ZNF316: variants seen among roughly 807,000 people sequenced by gnomAD.
The protein encoded by ZNF316 is zinc finger protein 316.
A neutral mutation model predicts 75.6 loss-of-function variants in ZNF316; 23 were observed. That is an observed-to-expected ratio of 0.30 (90% CI 0.22 to 0.43). The LOEUF (loss-of-function observed/expected upper bound fraction) is 0.43, where lower values mean the gene tolerates loss of function less well. Among genes scored for constraint, ZNF316 ranks in the 20% least tolerant of loss-of-function variants. The pLI is 1.00. For missense variants in ZNF316, 1,266 were observed against 1,409.4 expected (o/e 0.90, Z 1.63); for synonymous variants, 827 against 666.2 (o/e 1.24, Z -3.72).
At position 6,653,068 on chromosome 7, in the gene ZNF316, G is replaced by A. The variant is rs1244318009; in HGVS notation, c.1472G>A (p.Gly491Asp). 5.0e-6 allele frequency: 6 copies of A among 1,209,948 alleles called. No individual in the cohort carries two copies. The East Asian group carries it at 2.1e-4, about 41-fold the overall frequency. 75.0% of individuals were successfully genotyped at this position (1,209,948 alleles called of 1,614,324 possible). A position where few individuals can be genotyped will look rare whatever the true frequency, so the allele number is the denominator to read the frequency against. The change falls in exon 9 of 9, where the codon GGC becomes GAC. Residue 491 changes from glycine to aspartate, a missense_variant. Coordinates refer to ENST00000382252, the MANE Select transcript of ZNF316 (RefSeq NM_001278559.2). ...CGCCCGCACTGCTGTCCCGACTGCG[G>A]CCAGGCCTTCCGCCTGCGCGCCGAC... is the stretch of plus-strand genomic sequence containing the variant. ...ADRPHCCPDC[G>D]QAFRLRADFQ... is the part of the protein sequence containing the mutation.
intron 8 of ZNF316, among the ~76,000 whole-genome samples, chr7:6,648,427 C>G (rs558461137): frequency 6.6e-6 from 1 of 152,266 alleles, no homozygotes; most frequent in East Asian, 1.9e-4. Flanking sequence ...CAACAGAAAG[C>G]ATGGGATGGA....
At position 6,652,929 on chromosome 7, in the gene ZNF316, G is replaced by T; in HGVS notation, c.1333G>T (p.Val445Phe). Reference sequence around the variant, plus strand: ...GGGCTTCGGGCGCCGCTCCTACCTGGTCACGCACCAGCGCACGCACACCGG... The same window carrying T: ...GGGCTTCGGGCGCCGCTCCTACCTGTTCACGCACCAGCGCACGCACACCGG... The part of the protein sequence containing the change: ...GAGFGRRSYL[V>F]THQRTHTGER... The change falls in exon 9 of 9, where the codon GTC becomes TTC. Residue 445 changes from valine to phenylalanine, a missense_variant. Val to Phe is a conservative substitution (Grantham distance 50, BLOSUM62 -1). This residue lies in a region of ZNF316 where 961 missense variants were observed against 990.9 expected (regional missense o/e 0.97). Coordinates refer to ENST00000382252, the MANE Select transcript of ZNF316 (RefSeq NM_001278559.2). The T allele has an allele frequency of 8.0e-7, 1 of 1,244,102 alleles. No homozygotes were observed. Among genetic ancestry groups the T allele is most frequent in the African/African-American group, 1.5e-5 (1 of 64,632 alleles). 77.1% of individuals were successfully genotyped at this position (1,244,102 alleles called of 1,614,324 possible).
Position 6,655,349 on chromosome 7 carries a change from C to T in ZNF316, c.*738C>T, listed in dbSNP as rs1320678904. 6.6e-6 allele frequency: 1 copy of T among 152,280 alleles called. No homozygotes were observed. The highest frequency in any genetic ancestry group is 1.5e-5 in the Non-Finnish European group (1 of 68,116). 9.4% of individuals were successfully genotyped at this position (152,280 alleles called of 1,614,324 possible). On this transcript the variant is annotated 3_prime_UTR_variant, in exon 9 of 9. Coordinates refer to ENST00000382252, the MANE Select transcript of ZNF316 (RefSeq NM_001278559.2). ...AGTTTGAAGCCTTATTCTCGAGCCG[C>T]CTCCTCTTCTCTACCCACACTTGCA... is the stretch of plus-strand genomic sequence containing the variant.
chr7:6,649,197 G>T (rs910489330), intron 8 of ZNF316, among the ~76,000 whole-genome samples: 1 of 152,144 alleles, frequency 6.6e-6, no homozygotes, highest in African/African-American at 2.4e-5. Context: ...CTGAGCCCTT[G>T]TGGTCCCTCT....
Position 6,642,545 on chromosome 7 carries a change from G to T in ZNF316, c.136G>T (p.Glu46Ter). 1 of 1,227,666 alleles carries T rather than the reference G, an allele frequency of 8.1e-7. No homozygotes were observed. The highest frequency in any genetic ancestry group is 1.0e-6 in the Non-Finnish European group (1 of 982,966). The allele number at this position is 1,227,666 out of a possible 1,614,324, so 76.0% of individuals were successfully genotyped here. The change falls in exon 5 of 9, where the codon GAA becomes TAA. Residue 46 changes from glutamate (E) to a stop codon, truncating the protein, a stop_gained. Coordinates refer to ENST00000382252, the MANE Select transcript of ZNF316 (RefSeq NM_001278559.2). LOFTEE classifies it high-confidence loss of function. This position sits in a 1 kb window ranked among gnomAD's most constrained non-coding sequence, Gnocchi z 8.1. ...GGGGGAAGAGGTGCAGGAGGTGGAA[G>T]AAGAGGAGGAGGAGATAGTGGTGGA... The part of the protein sequence containing the change: ...EKGEEVQEVE[E>*]EEEEIVVEEE...
rs1004151902 is a variant in ZNF316 at position 6,656,594 on chromosome 7, C to A, written c.*1983C>A. Among the ~76,000 whole-genome samples the A allele has an allele frequency of 6.6e-6, 1 of 152,226 alleles. No individual in the cohort carries two copies. Among genetic ancestry groups the A allele is most frequent in the Non-Finnish European group, 1.5e-5 (1 of 68,036 alleles). On this transcript the variant is annotated 3_prime_UTR_variant, in exon 9 of 9. Coordinates refer to ENST00000382252, the MANE Select transcript of ZNF316 (RefSeq NM_001278559.2). Reference sequence around the variant, plus strand: ...TGGCCCATGAGGAGTTGGCCCCAGGCCAGTGTGGCCCCGTGCTGCCCATGC... The same window carrying A: ...TGGCCCATGAGGAGTTGGCCCCAGGACAGTGTGGCCCCGTGCTGCCCATGC...
At position 6,654,216 on chromosome 7, in the gene ZNF316, C is replaced by G. The variant is rs1261986778; in HGVS notation, c.2620C>G (p.Leu874Val). 1.6e-6 allele frequency: 2 copies of G among 1,222,838 alleles called. No individual in the cohort carries two copies. The highest frequency in any genetic ancestry group is 2.0e-6 in the Non-Finnish European group (2 of 981,784). The allele number at this position is 1,222,838 out of a possible 1,614,324, so 75.7% of individuals were successfully genotyped here. The change falls in exon 9 of 9, where the codon CTG becomes GTG. Residue 874 changes from leucine to valine, a missense_variant. Transcript: ENST00000382252. Reference protein sequence around the residue: ...CGRGFAQRSNLAKHRRGHTGE... With the variant: ...CGRGFAQRSNVAKHRRGHTGE... Reference sequence around the variant, plus strand: ...CCGCGGCTTCGCGCAGCGCTCCAACCTGGCCAAGCACCGGCGCGGCCACAC... The same window carrying G: ...CCGCGGCTTCGCGCAGCGCTCCAACGTGGCCAAGCACCGGCGCGGCCACAC...
At chr7:6,646,979 C>T (rs545262665) in intron 8 of ZNF316, among the ~76,000 whole-genome samples, 159 of 152,336 alleles carry the variant, frequency 1.0e-3, no homozygotes, top group African/African-American at 3.4e-3. Flanking sequence ...TTCAGACCCT[C>T]CCCTGCCCTG....
At position 6,639,537 on chromosome 7, in the gene ZNF316, AAC is replaced by A. The variant is rs1289757441; in HGVS notation, c.-167+405_-167+406del. Among the ~76,000 whole-genome samples the A allele has an allele frequency of 1.3e-5, 2 of 152,192 alleles. No individual in the cohort carries two copies. The highest frequency in any genetic ancestry group is 4.8e-5 in the African/African-American group (2 of 41,436). ...GAAGAGAGTTCTGGGGATGGGGAAT[AAC>A]ACACACACGGCCTGAGATGAGATGA... On this transcript the variant is annotated intron_variant, in intron 3 of 8. Transcript: ENST00000382252. The surrounding 1 kb of genome is among the most constrained non-coding windows in gnomAD (Gnocchi z 4.2).
chr7:6,649,114 C>T (rs1480293554), intron 8 of ZNF316, among the ~76,000 whole-genome samples: 1 of 152,134 alleles, frequency 6.6e-6, no homozygotes, highest in Middle Eastern at 3.2e-3. Flanking sequence ...GTTCTTGTGG[C>T]CATACTCTGG....
chr7:6,644,293 AG>A (rs1779360087), intron 7 of ZNF316, among the ~76,000 whole-genome samples, 186 bp from the exon 8 acceptor site: 1 of 148,734 alleles, frequency 6.7e-6, no homozygotes, highest in African/African-American at 2.5e-5. Flanking sequence ...TGGTGGGAGG[AG>A]GGCAGGGGAG....
rs1779297990 is a variant in ZNF316 at position 6,640,715 on chromosome 7, T to C, written c.-166-1110T>C. The stretch of plus-strand genomic sequence containing the variant: ...GGGCCTGCTGGGAGGTGATTTCCAG[T>C]GTTGGAGGTGGGCCTGGTGGGAGGG... On this transcript the variant is annotated intron_variant, in intron 3 of 8. Transcript: ENST00000382252. This position sits in a 1 kb window ranked among gnomAD's most constrained non-coding sequence, Gnocchi z 5.1. Among the ~76,000 whole-genome samples the C allele has an allele frequency of 6.6e-6, 1 of 152,090 alleles. No homozygotes were observed. Among genetic ancestry groups the C allele is most frequent in the Admixed American group, 6.5e-5 (1 of 15,276 alleles).
At position 6,644,592 on chromosome 7, in the gene ZNF316, A is replaced by C. The variant is rs1265842161; in HGVS notation, c.705A>C (p.Thr235=). ...EEGDIVTGVY[T]GAWFWTDDIE... ...GAGACATCGTCACTGGCGTCTACAC[A>C]GGTGAGCGTGGATGGAATTTTGCGG... Residue 235 remains threonine (T), a splice_region_variant and synonymous_variant, in exon 8 of 9, where the codon ACA becomes ACC. Coordinates refer to ENST00000382252, the MANE Select transcript of ZNF316 (RefSeq NM_001278559.2). 24 of 1,230,820 alleles carry C rather than the reference A, an allele frequency of 1.9e-5. No individual in the cohort carries two copies. The highest frequency in any genetic ancestry group is 2.3e-5 in the Non-Finnish European group (23 of 986,768). 76.2% of individuals were successfully genotyped at this position (1,230,820 alleles called of 1,614,324 possible).
chr7:6,644,327 A>C (rs1367062321), intron 7 of ZNF316, among the ~76,000 whole-genome samples, 153 bp from the exon 8 acceptor site: 1 of 151,738 alleles, frequency 6.6e-6, no homozygotes, highest in Non-Finnish European at 1.5e-5. Context: ...TTCAGAGGGA[A>C]GGGACCGCCT....
chr7:6,643,166 CGGCCA>C (rs1779341947), intron 6 of ZNF316, 93 bp downstream of exon 6: 1 of 1,226,478 alleles, frequency 8.2e-7, no homozygotes, highest in Non-Finnish European at 1.0e-6. Context: ...CTGTTGGCAG[CGGCCA>C]TGGCACTGGA....
rs1779531665 is a variant in ZNF316 at position 6,652,678 on chromosome 7, C to T, written c.1082C>T (p.Ala361Val). The change falls in exon 9 of 9, where the codon GCC (alanine) becomes GTC (valine). Residue 361 changes from alanine (A) to valine (V), a missense_variant. By Grantham distance (64) the Ala-to-Val change is moderately conservative. Coordinates refer to ENST00000382252, the MANE Select transcript of ZNF316 (RefSeq NM_001278559.2). ...GTCTTCCCGCACCGCTCGCGGCTGGCCAAGCACCAGCGCTACCACGCGGCC... is the reference window on the plus strand; with the variant it reads ...GTCTTCCCGCACCGCTCGCGGCTGGTCAAGCACCAGCGCTACCACGCGGCC... ...GKVFPHRSRL[A>V]KHQRYHAAVK... 2.2e-5 allele frequency: 27 copies of T among 1,233,316 alleles called. No homozygotes were observed. The highest frequency in any genetic ancestry group is 2.6e-5 in the Non-Finnish European group (26 of 988,548). 76.4% of individuals were successfully genotyped at this position (1,233,316 alleles called of 1,614,324 possible). A position where few individuals can be genotyped will look rare whatever the true frequency, so the allele number is the denominator to read the frequency against.
rs1019305605 is a variant in ZNF316 at position 6,640,639 on chromosome 7, A to C, written c.-166-1186A>C. Among the ~76,000 whole-genome samples, 2 of 152,178 alleles carry C rather than the reference A, an allele frequency of 1.3e-5. No individual in the cohort carries two copies. The highest frequency in any genetic ancestry group is 4.1e-4 in the South Asian group (2 of 4,832). On this transcript the variant is annotated intron_variant, in intron 3 of 8. Coordinates refer to ENST00000382252, the MANE Select transcript of ZNF316 (RefSeq NM_001278559.2). The surrounding 1 kb of genome is among the most constrained non-coding windows in gnomAD (Gnocchi z 5.1). ...GGGCGGGGACAAACATCCAGGCTCCATCAGTCCCCTTCCAGTCTCACGCTG... is the reference window on the plus strand; with the variant it reads ...GGGCGGGGACAAACATCCAGGCTCCCTCAGTCCCCTTCCAGTCTCACGCTG...
At chr7:6,652,021 T>C (rs1779515823) in intron 8 of ZNF316, among the ~76,000 whole-genome samples, 2 of 152,136 alleles carry the variant, frequency 1.3e-5, no homozygotes, top group African/African-American at 2.4e-5. Flanking sequence ...CTGGAAGAGA[T>C]GTTGGACGGG....
intron 8 of ZNF316, among the ~76,000 whole-genome samples, chr7:6,649,895 G>C (rs1352135817): frequency 1.3e-5 from 2 of 152,200 alleles, no homozygotes; most frequent in African/African-American, 2.4e-5. Flanking sequence ...AGGATTCCCT[G>C]CTGCGATCAG....
Sources: gnomAD v4.1 joint callset for allele counts (sites outside exome capture counted in the v4.1 genomes callset) on GRCh38, gnomAD v4.1.1 for gene constraint, gnomAD v4.1.1 regional missense constraint, Gnocchi (gnomAD v3.1) non-coding constraint, MANE v1.5 for transcripts, NCBI Gene and HGNC (gene_info 2026-07-23, HGNC 2026-07-21) for gene names.